The following TAB2 variants were observed in gnomAD, a reference collection of about 807,000 sequenced individuals.
TAB2 encodes the protein TGF-beta activated kinase 1 (MAP3K7) binding protein 2, also known as TGF-beta-activated kinase 1 and MAP3K7-binding protein 2.
In TAB2, 3 loss-of-function variants were observed where a neutral mutation model predicts 65.0. That is an observed-to-expected ratio of 0.05 (90% confidence interval 0.02 to 0.12). The LOEUF is 0.12. TAB2 is among the 10% of genes least tolerant of loss of function. The pLI is 1.00. For missense variants in TAB2, 623 were observed against 840.3 expected, an observed-to-expected ratio of 0.74 and a Z score of 3.20; for synonymous variants, 298 against 285.1, an observed-to-expected ratio of 1.05 and a Z score of -0.46.
At chr6:149,277,830 TC>T (rs1186805438) in intron 1 of TAB2, among the ~76,000 whole-genome samples, 4 of 152,132 alleles carry the variant, frequency 2.6e-5, no homozygotes, top group Admixed American at 6.5e-5. Flanking sequence ...AACAGAAACA[TC>T]AGAATTAAAG....
intron 3 of TAB2, among the ~76,000 whole-genome samples, chr6:149,393,943 T>C (rs1782082558): frequency 6.6e-6 from 1 of 152,184 alleles, no homozygotes; most frequent in African/African-American, 2.4e-5. Context: ...AGGTGTTTTG[T>C]TTTAGCATTA....
At chr6:149,398,526 T>A (rs928670781) in intron 5 of TAB2, among the ~76,000 whole-genome samples, 1 of 152,196 alleles carries the variant, frequency 6.6e-6, no homozygotes, top group Non-Finnish European at 1.5e-5. Context: ...TTCTAGAATC[T>A]GTTCAACTGG....
At chr6:149,354,108 C>G (rs1780577800) in intron 1 of TAB2, among the ~76,000 whole-genome samples, 1 of 152,192 alleles carries the variant, frequency 6.6e-6, no homozygotes, top group South Asian at 2.1e-4. Flanking sequence ...ATCAAAACCT[C>G]AATTATGTGC....
chr6:149,302,715 A>T (rs1778991390), intron 1 of TAB2, among the ~76,000 whole-genome samples: 1 of 152,122 alleles, frequency 6.6e-6, no homozygotes, highest in Non-Finnish European at 1.5e-5. Flanking sequence ...TCACCTTCCC[A>T]TCTTTCTTTG....
intron 1 of TAB2, among the ~76,000 whole-genome samples, chr6:149,349,661 C>A (rs560351878): frequency 6.6e-6 from 1 of 152,206 alleles, no homozygotes; most frequent in South Asian, 2.1e-4. Flanking sequence ...TCAAATTGTT[C>A]TCTCATATCA....
At chr6:149,305,161 C>A (rs888961447) in intron 1 of TAB2, among the ~76,000 whole-genome samples, 2 of 152,158 alleles carry the variant, frequency 1.3e-5, no homozygotes, top group Non-Finnish European at 2.9e-5. Flanking sequence ...GACTGTACTG[C>A]GGTCTTTCCA....
chr6:149,291,414 C>T (rs531717336), intron 1 of TAB2: 2 of 152,364 alleles, frequency 1.3e-5, no homozygotes, highest in South Asian at 4.1e-4. Flanking sequence ...GAGAGGATCG[C>T]TTGAGCACAA....
At chr6:149,253,968 AAGAAAG>A (rs1777924235) in intron 1 of TAB2, among the ~76,000 whole-genome samples, 2 of 105,662 alleles carry the variant, frequency 1.9e-5, no homozygotes, top group Non-Finnish European at 4.1e-5. Context: ...AAAAGAAAGA[AAGAAAG>A]AAAGAAAGAA....
At chr6:149,314,060 A>G (rs1779208981), upstream of TAB2, among the ~76,000 whole-genome samples, 1 of 152,230 alleles carries the variant, frequency 6.6e-6, no homozygotes, top group South Asian at 2.1e-4. Context: ...TCAGACTTGA[A>G]GTCTATGCTA....
intron 1 of TAB2, among the ~76,000 whole-genome samples, chr6:149,240,420 T>C (rs1421398440): frequency 6.6e-6 from 1 of 152,196 alleles, no homozygotes; most frequent in African/African-American, 2.4e-5. Flanking sequence ...ACTGCCCAGT[T>C]AGCCCCTCTC....
At position 149,220,301 on chromosome 6, in the gene TAB2, C is replaced by T. The variant is rs79117465; in HGVS notation, c.-121+1525C>T. On this transcript the variant is annotated intron_variant, in intron 1 of 1. Transcript: ENST00000606202. ...TTTAATGCCATTCAAAAACTCAAAA[C>T]TCAACAAGTGGTAGTTTTTTTAAAA... Among the ~76,000 whole-genome samples, 240 of 152,268 alleles carry T rather than the reference C, an allele frequency of 1.6e-3. 3 individuals carry two copies. In the East Asian group the frequency reaches 0.038, roughly 24 times the overall value.
intron 1 of TAB2, among the ~76,000 whole-genome samples, chr6:149,253,761 A>G (rs150645203): frequency 9.2e-5 from 14 of 151,834 alleles, no homozygotes; most frequent in African/African-American, 3.4e-4. Flanking sequence ...GTCTCTGCTA[A>G]AAATACAAAA....
chr6:149,319,318 T>C (rs969733144), intron 1 of TAB2, among the ~76,000 whole-genome samples: 2 of 152,240 alleles, frequency 1.3e-5, no homozygotes, highest in Non-Finnish European at 2.9e-5. Flanking sequence ...TTAAAAAATA[T>C]CTTTACATTC....
At chr6:149,273,034 A>C (rs1778392340) in intron 1 of TAB2, among the ~76,000 whole-genome samples, 1 of 150,574 alleles carries the variant, frequency 6.6e-6, no homozygotes, top group Admixed American at 6.6e-5. Context: ...ACCTCCCCGC[A>C]CCCTTCGCCC....
chr6:149,400,248 G>C, intron 6 of TAB2: 1 of 865,278 alleles, frequency 1.2e-6, no homozygotes, highest in Non-Finnish European at 1.7e-6. Flanking sequence ...AGCGGGAGGG[G>C]AGGGAGCCCA....
At chr6:149,340,264 T>C (rs1214552962) in intron 1 of TAB2, among the ~76,000 whole-genome samples, 2 of 152,200 alleles carry the variant, frequency 1.3e-5, no homozygotes, top group African/African-American at 2.4e-5. Context: ...TCCTTTTGGC[T>C]AACATTAATA....
chr6:149,253,787 T>C (rs1295990000), intron 1 of TAB2, among the ~76,000 whole-genome samples: 3 of 150,468 alleles, frequency 2.0e-5, no homozygotes, highest in Non-Finnish European at 4.4e-5. Flanking sequence ...CTGGGCTTGG[T>C]GGAGCACGCC....
intron 1 of TAB2, among the ~76,000 whole-genome samples, chr6:149,256,188 T>C (rs1215069483): frequency 1.3e-5 from 2 of 152,342 alleles, no homozygotes. Context: ...ACAGTTTTCA[T>C]TGCAAAATGA....
intron 1 of TAB2, among the ~76,000 whole-genome samples, chr6:149,357,836 A>G (rs1230307236): frequency 6.6e-6 from 1 of 151,976 alleles, no homozygotes; most frequent in Non-Finnish European, 1.5e-5. Flanking sequence ...AGTAGCTAGG[A>G]TTACAGGCAT....
Sources: gnomAD v4.1 joint callset for allele counts (sites outside exome capture counted in the v4.1 genomes callset) on GRCh38, gnomAD v4.1.1 for gene constraint, MANE v1.5 for transcripts, NCBI Gene and HGNC (gene_info 2026-07-23, HGNC 2026-07-21) for gene names.